Variants in CLSPN observed in about 807,000 individuals in gnomAD.
CLSPN encodes claspin homolog.
A neutral mutation model predicts 156.3 loss-of-function variants in CLSPN; 85 were observed. The observed-to-expected ratio is 0.54, with a 90% confidence interval of 0.46 to 0.65. The LOEUF (loss-of-function observed/expected upper bound fraction) is 0.65. Among genes scored for constraint, CLSPN ranks in the 30% least tolerant of loss-of-function variants. The probability of loss-of-function intolerance (pLI) is 0.00; values close to 1 mark genes in which losing one functional copy is unlikely to be tolerated. For synonymous variants in CLSPN, 534 were observed against 542.4 expected (o/e 0.98, Z 0.22); for missense variants, 1,407 against 1,554.9 (o/e 0.90, Z 1.60).
At chr1:35,767,092 A>G (rs187762082) in intron 1 of CLSPN, among the ~76,000 whole-genome samples, 33 of 152,320 alleles carry the variant, frequency 2.2e-4, no homozygotes, top group Middle Eastern at 3.4e-3. Context: ...ATATGTATGT[A>G]TATCTTAAAA....
rs758911234 is a variant in CLSPN, at chr1:35,743,464, A to G, written c.3033T>C (p.Asp1011=). The change falls in exon 17 of 25, where the codon GAT becomes GAC. Residue 1011 remains aspartate (D), a synonymous_variant. Coordinates refer to ENST00000318121, the MANE Select transcript of CLSPN (RefSeq NM_022111.4). ...TTCCCTTCATACTCACCTCATCACT[A>G]TCAAACTCATTATCATTTGAAACAA... is the stretch of plus-strand genomic sequence containing the variant. ...FRLVSNDNEF[D]SDEDEHSDSG... The G allele has an allele frequency of 9.3e-6, 15 of 1,612,870 alleles. No individual in the cohort carries two copies. In the East Asian group the frequency reaches 2.5e-4, roughly 26 times the overall value.
At chr1:35,759,383 G>GA (rs1310719530) in intron 8 of CLSPN, among the ~76,000 whole-genome samples, 3 of 152,120 alleles carry the variant, frequency 2.0e-5, no homozygotes, top group Non-Finnish European at 4.4e-5. Flanking sequence ...TGTTCTTTAA[G>GA]AAAATACTTT....
At position 35,748,050 on chromosome 1, in the gene CLSPN, T is replaced by C; in HGVS notation, c.2484A>G (p.Lys828=). The change falls in exon 14 of 25, where the codon AAA becomes AAG. Residue 828 remains lysine (K), a synonymous_variant. Transcript: ENST00000318121. ...LVSSASKSSG[K]LSEPSLPIED... ...CTATGGGAAGTGAAGGCTCAGACAG[T>C]TTCCCTGAACTCTGGCACACAAACA... 1 of 1,608,802 alleles carries C rather than the reference T, an allele frequency of 6.2e-7. No individual in the cohort carries two copies. The highest frequency in any genetic ancestry group is 8.5e-7 in the Non-Finnish European group (1 of 1,178,628).
rs758461012 is a variant in CLSPN, at chr1:35,764,596, G to A, written c.252C>T (p.Ala84=). Residue 84 remains alanine, a synonymous_variant, in exon 3 of 25, where the codon GCC becomes GCT. Transcript: ENST00000318121. The part of the protein sequence containing the change: ...ASPEKTTYDS[A]EEENKENLYA... Reference sequence around the variant, plus strand: ...ATAAATTCTCTTTATTTTCCTCCTCGGCACTGTCATAGGTAGTTTTCTCTG... The same window carrying A: ...ATAAATTCTCTTTATTTTCCTCCTCAGCACTGTCATAGGTAGTTTTCTCTG... The A allele has an allele frequency of 6.8e-6, 11 of 1,613,368 alleles. No homozygotes were observed. The highest frequency in any genetic ancestry group is 2.2e-5 in the East Asian group (1 of 44,864).
Position 35,734,804 on chromosome 1 carries a change from ACT to A in CLSPN, c.*1690_*1691del, listed in dbSNP as rs751972732. 1.8e-4 allele frequency: 175 copies of A among 985,174 alleles called. No individual in the cohort carries two copies. Among genetic ancestry groups the A allele is most frequent in the Middle Eastern group, 5.2e-4 (1 of 1,936 alleles). The allele number at this position is 985,174 out of a possible 1,614,324, so 61.0% of individuals were successfully genotyped here. A position where few individuals can be genotyped will look rare whatever the true frequency, so the allele number is the denominator to read the frequency against. ...CCATCTCCCAGTAAAAAACTGGCAC[ACT>A]CTCTTCCAACTGCCCAAGTACAGGT... On this transcript the variant is annotated 3_prime_UTR_variant, in exon 25 of 25. Coordinates refer to ENST00000318121, the MANE Select transcript of CLSPN (RefSeq NM_022111.4).
rs549033819 is a variant in CLSPN, at chr1:35,750,465, A to C, written c.2029-654T>G. On this transcript the variant is annotated intron_variant, in intron 10 of 24. Transcript: ENST00000318121. ...CGCTCAGGCTAGAGTATAGTGGCAC[A>C]ATCTTGGCTCACTGCAACCTTCACT... is the stretch of plus-strand genomic sequence containing the variant. Among the ~76,000 whole-genome samples the C allele has an allele frequency of 2.0e-5, 3 of 151,432 alleles. No individual in the cohort carries two copies. In the South Asian group the frequency reaches 6.3e-4, roughly 32 times the overall value.
intron 7 of CLSPN, 48 bp from the exon 8 acceptor site, chr1:35,760,964 A>G (rs1289730249): frequency 6.7e-7 from 1 of 1,483,484 alleles, no homozygotes; most frequent in Non-Finnish European, 9.3e-7. Context: ...CTAAATGTGA[A>G]ACATTCTCAT....
At chr1:35,754,546 C>CT (rs1311365046) in intron 8 of CLSPN, among the ~76,000 whole-genome samples, 1 of 152,084 alleles carries the variant, frequency 6.6e-6, no homozygotes, top group Admixed American at 6.6e-5. Flanking sequence ...AGGGTTTCAC[C>CT]ATGTTAGCCA....
In CLSPN at chr1:35,734,823, A is replaced by G. The variant is rs1244105243; in HGVS notation, c.*1673T>C. The G allele has an allele frequency of 1.0e-6, 1 of 985,342 alleles. No individual in the cohort carries two copies. Among genetic ancestry groups the G allele is most frequent in the Admixed American group, 6.1e-5 (1 of 16,264 alleles). 61.0% of individuals were successfully genotyped at this position (985,342 alleles called of 1,614,324 possible). A position where few individuals can be genotyped will look rare whatever the true frequency, so the allele number is the denominator to read the frequency against. On this transcript the variant is annotated 3_prime_UTR_variant, in exon 25 of 25. Coordinates refer to ENST00000318121, the MANE Select transcript of CLSPN (RefSeq NM_022111.4). The stretch of plus-strand genomic sequence containing the variant: ...TGGCACACTCTCTTCCAACTGCCCA[A>G]GTACAGGTCCTGACACTGAAACCAC...
At chr1:35,737,944 C>T (rs760404063) in intron 22 of CLSPN, 48 bp downstream of exon 22, 2 of 1,059,834 alleles carry the variant, frequency 1.9e-6, no homozygotes, top group Non-Finnish European at 1.3e-6. Flanking sequence ...CAAAGCTCTA[C>T]CACTAACAAT....
At chr1:35,749,991 CT>C (rs1489430167) in intron 10 of CLSPN, among the ~76,000 whole-genome samples, 180 bp from the exon 11 acceptor site, 1 of 104,700 alleles carries the variant, frequency 9.6e-6, no homozygotes, top group African/African-American at 2.9e-5. Flanking sequence ...ACTTCTAGAA[CT>C]TTTTTCTATT....
chr1:35,753,828 T>C lies in CLSPN; in HGVS notation c.1688A>G (p.Asp563Gly). ...ATCTGCTTTTAGCTCTTCCTTTCCA[T>C]CAGTGCCCATGTCTTTCACTATGAC... ...VNVIVKDMGT[D>G]GKEELKADVV... Residue 563 changes from aspartate (D) to glycine (G), a missense_variant, in exon 9 of 25, where the codon GAT (aspartate) becomes GGT (glycine). Physicochemically the swap from Asp to Gly is moderately conservative, Grantham distance 94. This residue lies in a region of CLSPN where 1,096 missense variants were observed against 1,193.0 expected (regional missense o/e 0.92). Coordinates refer to ENST00000318121, the MANE Select transcript of CLSPN (RefSeq NM_022111.4). 1 of 1,614,222 alleles carries C rather than the reference T, an allele frequency of 6.2e-7. No homozygotes were observed.
downstream of CLSPN, among the ~76,000 whole-genome samples, chr1:35,729,845 A>G (rs1641274117): frequency 2.6e-5 from 4 of 152,182 alleles, no homozygotes; most frequent in Admixed American, 2.0e-4. Context: ...ATTAATTTGT[A>G]CCTTTGATCC....
intron 13 of CLSPN, 108 bp downstream of exon 13, chr1:35,748,297 C>T (rs1253051667): frequency 5.4e-6 from 6 of 1,105,782 alleles, no homozygotes; most frequent in Non-Finnish European, 8.2e-6. Flanking sequence ...ACTGAACACA[C>T]ATAAGCTCAG....
At chr1:35,722,138 CA>C (rs34909122) in intron 24 of CLSPN, among the ~76,000 whole-genome samples, 69 of 131,560 alleles carry the variant, frequency 5.2e-4, no homozygotes, top group Admixed American at 7.0e-4. Flanking sequence ...GACCCTGTCT[CA>C]AAAAAAAAAA....
At chr1:35,762,599 C>A in intron 4 of CLSPN, 118 bp from the exon 5 acceptor site, 2 of 720,412 alleles carry the variant, frequency 2.8e-6, no homozygotes, top group South Asian at 1.6e-5. Context: ...AATCAATAAT[C>A]ATCAACTAGA....
chr1:35,745,800 G>C (rs143532622), intron 15 of CLSPN, among the ~76,000 whole-genome samples: 1 of 152,156 alleles, frequency 6.6e-6, no homozygotes, highest in African/African-American at 2.4e-5. Flanking sequence ...GCTTATGTTC[G>C]ATCTAGCAGT....
chr1:35,761,491 A>G (rs142871185), intron 6 of CLSPN, among the ~76,000 whole-genome samples: 1 of 152,346 alleles, frequency 6.6e-6, no homozygotes, highest in East Asian at 1.9e-4. Context: ...ATTTATATAC[A>G]GTAGTCCCCG....
At chr1:35,730,468 G>T (rs1234465807), downstream of CLSPN, among the ~76,000 whole-genome samples, 1 of 151,680 alleles carries the variant, frequency 6.6e-6, no homozygotes, top group Admixed American at 6.6e-5. Flanking sequence ...TACTTGGGAG[G>T]CTGAGGCAGG....
Sources: gnomAD v4.1 joint callset for allele counts (sites outside exome capture counted in the v4.1 genomes callset) on GRCh38, gnomAD v4.1.1 for gene constraint, gnomAD v4.1.1 regional missense constraint, MANE v1.5 for transcripts, NCBI Gene and HGNC (gene_info 2026-07-23, HGNC 2026-07-21) for gene names.